CNTN4: variants seen among roughly 807,000 people sequenced by gnomAD.
CNTN4 encodes contactin-4.
A neutral mutation model predicts 122.5 loss-of-function variants in CNTN4; 77 were observed. That is an observed-to-expected ratio of 0.63 (90% CI 0.52 to 0.76). The LOEUF is 0.76. Among genes scored for constraint, CNTN4 ranks in the 30% least tolerant of loss-of-function variants. The pLI, the probability that CNTN4 is intolerant of heterozygous loss-of-function variation, is 0.00. For synonymous variants in CNTN4, 512 were observed against 447.0 expected, an observed-to-expected ratio of 1.15 and a Z score of -1.83; for missense variants, 1,256 against 1,259.1, an observed-to-expected ratio of 1.00 and a Z score of 0.04.
At chr3:2,609,784 T>A (rs762601871) in intron 4 of CNTN4, among the ~76,000 whole-genome samples, 4 of 152,226 alleles carry the variant, frequency 2.6e-5, no homozygotes, top group Admixed American at 6.5e-5. Flanking sequence ...TTTTCCATTT[T>A]AAAAATTCCA....
rs191230568 is a variant in CNTN4, at chr3:2,428,870, A to G, written c.-89+89637A>G. ...TGTCTTCCAGTTGATCGAATCGGCT[A>G]CTGAAGCTTATGCATGCATCAGGTA... is the stretch of plus-strand genomic sequence containing the variant. On this transcript the variant is annotated intron_variant, in intron 3 of 24. Coordinates refer to ENST00000418658, the MANE Select transcript of CNTN4 (RefSeq NM_175607.3). 3.4e-3 allele frequency among the ~76,000 whole-genome samples: 516 copies of G among 152,264 alleles called. 9 individuals are homozygous for G. The South Asian group carries it at 0.035, about 10-fold the overall frequency.
chr3:2,172,706 G>T (rs2149250047), intron 2 of CNTN4, among the ~76,000 whole-genome samples: 1 of 152,302 alleles, frequency 6.6e-6, no homozygotes, highest in African/African-American at 2.4e-5. Context: ...TGTCCATCAG[G>T]ACAACTGCTC....
rs768704571 is a variant in CNTN4, at chr3:2,746,030, ACC to A, written c.358+335_358+336del. On this transcript the variant is annotated intron_variant, in intron 6 of 24. Coordinates refer to ENST00000418658, the MANE Select transcript of CNTN4 (RefSeq NM_175607.3). ...AACAACAAATTTGACACCCACACAC[ACC>A]CACACACACACATTTTAAATAGAAT... Among the ~76,000 whole-genome samples the A allele has an allele frequency of 5.5e-4, 80 of 146,350 alleles. 3 individuals are homozygous for A. Among genetic ancestry groups the A allele is most frequent in the South Asian group, 2.2e-3 (10 of 4,578 alleles).
At chr3:2,531,837 T>C (rs2077608265) in intron 3 of CNTN4, among the ~76,000 whole-genome samples, 1 of 152,314 alleles carries the variant, frequency 6.6e-6, no homozygotes, top group Non-Finnish European at 1.5e-5. Context: ...TCTGTCTTAA[T>C]ATTCATAATA....
chr3:2,860,551 C>T (rs1004227779), intron 7 of CNTN4, among the ~76,000 whole-genome samples: 6 of 152,068 alleles, frequency 3.9e-5, no homozygotes, highest in African/African-American at 1.4e-4. Flanking sequence ...GGGTCATTAC[C>T]GTCATTATAG....
intron 3 of CNTN4, among the ~76,000 whole-genome samples, chr3:2,344,782 A>G (rs1474409048): frequency 6.6e-6 from 1 of 152,174 alleles, no homozygotes; most frequent in Non-Finnish European, 1.5e-5. Flanking sequence ...CCAGTTAGGA[A>G]ATAGACCCTC....
At chr3:2,220,994 T>C (rs1312141358) in intron 2 of CNTN4, among the ~76,000 whole-genome samples, 1 of 152,108 alleles carries the variant, frequency 6.6e-6, no homozygotes, top group Non-Finnish European at 1.5e-5. Flanking sequence ...CAAGCCAGAA[T>C]GTAAGATTCG....
intron 2 of CNTN4, among the ~76,000 whole-genome samples, chr3:2,110,864 G>GAA (rs2032896738): frequency 6.6e-6 from 1 of 152,102 alleles, no homozygotes; most frequent in Non-Finnish European, 1.5e-5. Context: ...AGTGGAAATA[G>GAA]AAAATAACCT....
At chr3:2,672,373 A>G (rs768514355) in intron 4 of CNTN4, among the ~76,000 whole-genome samples, 8 of 152,148 alleles carry the variant, frequency 5.3e-5, no homozygotes, top group Non-Finnish European at 8.8e-5. Context: ...CTGCCGTGCT[A>G]GCAATAAGGG....
chr3:2,165,052 G>A (rs2036137159), intron 2 of CNTN4, among the ~76,000 whole-genome samples: 2 of 152,166 alleles, frequency 1.3e-5, no homozygotes, highest in Admixed American at 6.5e-5. Flanking sequence ...GCCAGGCCTG[G>A]TGGCTCCCGC....
intron 2 of CNTN4, among the ~76,000 whole-genome samples, chr3:2,249,058 C>T (rs2040265571): frequency 6.6e-6 from 1 of 151,834 alleles, no homozygotes; most frequent in Non-Finnish European, 1.5e-5. Context: ...TGTACCCTGA[C>T]CTCATTACTA....
intron 3 of CNTN4, among the ~76,000 whole-genome samples, chr3:2,350,277 TC>T (rs2044559244): frequency 1.3e-5 from 2 of 152,118 alleles, no homozygotes; most frequent in African/African-American, 2.4e-5. Context: ...ACCTAAGGTA[TC>T]CCCAGCAGTG....
Position 2,952,232 on chromosome 3 carries a change from T to C in CNTN4, c.1358+26453T>C, listed in dbSNP as rs546629600. Among the ~76,000 whole-genome samples the C allele has an allele frequency of 2.9e-4, 44 of 152,334 alleles. No homozygotes were observed. In the South Asian group the frequency reaches 8.9e-3, roughly 31 times the overall value. ...TGGTTTCTAGGATATAGTTGGAACC[T>C]GTCTGGACTCACAGCTCCCTATGTA... On this transcript the variant is annotated intron_variant, in intron 13 of 24. Transcript: ENST00000418658.
At chr3:2,486,069 G>T (rs756880638) in intron 3 of CNTN4, among the ~76,000 whole-genome samples, 3 of 152,114 alleles carry the variant, frequency 2.0e-5, no homozygotes, top group Admixed American at 6.5e-5. Flanking sequence ...TCGAAGGTCT[G>T]CAGCTTCTCT....
At chr3:2,101,886 T>C (rs2031994610) in intron 2 of CNTN4, among the ~76,000 whole-genome samples, 1 of 152,242 alleles carries the variant, frequency 6.6e-6, no homozygotes, top group African/African-American at 2.4e-5. Context: ...AGATCACTGC[T>C]GGTTTGATAT....
At chr3:2,340,723 A>AGAGAGAGAGGGG (rs1472095084) in intron 3 of CNTN4, among the ~76,000 whole-genome samples, 7 of 138,062 alleles carry the variant, frequency 5.1e-5, no homozygotes, top group African/African-American at 7.8e-5. Flanking sequence ...AGAGAGAGAG[A>AGAGAGAGAGGGG]GAGAGAGAGA....
intron 7 of CNTN4, among the ~76,000 whole-genome samples, chr3:2,823,436 C>G (rs1424932268): frequency 1.3e-5 from 2 of 152,210 alleles, no homozygotes; most frequent in African/African-American, 4.8e-5. Flanking sequence ...ATTTCCAGCA[C>G]TCTACCAATC....
At chr3:2,179,050 A>C (rs750448979) in intron 2 of CNTN4, among the ~76,000 whole-genome samples, 2 of 151,992 alleles carry the variant, frequency 1.3e-5, no homozygotes, top group Non-Finnish European at 2.9e-5. Flanking sequence ...CACATTTCTA[A>C]TGTGCTCATA....
At chr3:2,956,870 A>G (rs1293039984) in intron 13 of CNTN4, among the ~76,000 whole-genome samples, 9 of 152,162 alleles carry the variant, frequency 5.9e-5, no homozygotes, top group Non-Finnish European at 1.3e-4. Context: ...TAGATTTCAC[A>G]TGTAAGTGAC....
Sources: gnomAD v4.1 joint callset for allele counts (sites outside exome capture counted in the v4.1 genomes callset) on GRCh38, gnomAD v4.1.1 for gene constraint, MANE v1.5 for transcripts, NCBI Gene and HGNC (gene_info 2026-07-23, HGNC 2026-07-21) for gene names.